Variants in KRT84 observed in about 807,000 individuals in gnomAD.
The protein encoded by KRT84 is keratin, type II cuticular Hb4.
A neutral mutation model predicts 49.0 loss-of-function variants in KRT84; 38 were observed. The ratio of observed to expected loss-of-function variants is 0.78; its 90% CI spans 0.60 to 1.02. The LOEUF is 1.02. KRT84 is among the 50% of genes least tolerant of loss of function. The pLI is 0.00. For synonymous variants in KRT84, 334 were observed against 312.8 expected (o/e 1.07, Z -0.72); for missense variants, 860 against 788.6 (o/e 1.09, Z -1.08).
intron 1 of KRT84, 150 bp downstream of exon 1, chr12:52,384,890 G>A (rs1565776957): frequency 3.6e-6 from 3 of 828,450 alleles, no homozygotes; most frequent in Non-Finnish European, 5.8e-6. Flanking sequence ...AACCCATAAA[G>A]CATACCACAA....
chr12:52,380,650 C>T, intron 6 of KRT84, 67 bp from the exon 7 acceptor site: 1 of 1,455,554 alleles, frequency 6.9e-7, no homozygotes, highest in South Asian at 1.3e-5. Context: ...GGGTTAGAAA[C>T]ACGGCCCCTC....
chr12:52,385,421 G>A lies in KRT84; in HGVS notation c.165C>T (p.Val55=). The change falls in exon 1 of 9, where the codon GTC becomes GTT. Residue 55 remains valine (V), a synonymous_variant. Coordinates refer to ENST00000257951, the MANE Select transcript of KRT84 (RefSeq NM_033045.4). ...GGGGTGAGTACGATCCAAAGGTGAT[G>A]ACACTCCGACTACCAAAGCTGCCAA... ...RGLGSFGSRS[V]ITFGSYSPRI... 3 of 1,614,154 alleles carry A rather than the reference G, an allele frequency of 1.9e-6. No homozygotes were observed. Among genetic ancestry groups the A allele is most frequent in the Non-Finnish European group, 2.5e-6 (3 of 1,180,020 alleles).
rs2121426831 is a variant in KRT84, at chr12:52,378,024, G to A, written c.*10C>T. On this transcript the variant is annotated 3_prime_UTR_variant, in exon 9 of 9. Coordinates refer to ENST00000257951, the MANE Select transcript of KRT84 (RefSeq NM_033045.4). ...TCTTCTCTGGGCAGCAGCTGTCTGG[G>A]GCTGGGCTCTCAGTACTTGGTCCGG... is the stretch of plus-strand genomic sequence containing the variant. 1.4e-5 allele frequency: 20 copies of A among 1,450,272 alleles called. No homozygotes were observed. The highest frequency in any genetic ancestry group is 1.8e-5 in the Non-Finnish European group (20 of 1,101,692). The allele number at this position is 1,450,272 out of a possible 1,614,324, so 89.8% of individuals were successfully genotyped here.
intron 4 of KRT84, 41 bp from the exon 5 acceptor site, chr12:52,381,566 C>T (rs1939486363): frequency 6.3e-7 from 1 of 1,597,954 alleles, no homozygotes; most frequent in Non-Finnish European, 8.5e-7. Flanking sequence ...CTTAGAGTCT[C>T]ATTTAGTAGC....
chr12:52,386,829 C>T (rs1238580394), upstream of KRT84, among the ~76,000 whole-genome samples: 2 of 152,142 alleles, frequency 1.3e-5, no homozygotes, highest in Non-Finnish European at 2.9e-5. Context: ...TTTACCTTTT[C>T]TATTCTAGTG....
intron 5 of KRT84, 66 bp downstream of exon 5, chr12:52,381,291 GGGCC>G (rs1939479528): frequency 6.2e-7 from 1 of 1,610,264 alleles, no homozygotes; most frequent in Admixed American, 1.7e-5. Context: ...AAACCTCCCT[GGGCC>G]TGATCTGTTA....
intron 8 of KRT84, 129 bp from the exon 9 acceptor site, chr12:52,378,509 G>T (rs1397109309): frequency 3.2e-6 from 2 of 626,438 alleles, no homozygotes; most frequent in East Asian, 3.2e-5. Context: ...TGGGGAAGTG[G>T]TCCCTATTGT....
rs1339525347 is a variant in KRT84 at position 52,377,962 on chromosome 12, G to A, written c.*72C>T. Reference sequence around the variant, plus strand: ...GGAGACCGTCAAGCCCAGAGCCCACGAACCCTGGGGGCAGAAGCAGGAGCC... The same window carrying A: ...GGAGACCGTCAAGCCCAGAGCCCACAAACCCTGGGGGCAGAAGCAGGAGCC... On this transcript the variant is annotated 3_prime_UTR_variant, in exon 9 of 9. Coordinates refer to ENST00000257951, the MANE Select transcript of KRT84 (RefSeq NM_033045.4). The A allele has an allele frequency of 7.3e-6, 9 of 1,239,672 alleles. No homozygotes were observed. The highest frequency in any genetic ancestry group is 7.4e-6 in the Non-Finnish European group (7 of 940,398). The allele number at this position is 1,239,672 out of a possible 1,614,324, so 76.8% of individuals were successfully genotyped here.
chr12:52,379,680 G>A (rs558490158), intron 8 of KRT84, among the ~76,000 whole-genome samples, 196 bp downstream of exon 8: 2 of 152,262 alleles, frequency 1.3e-5, no homozygotes, highest in South Asian at 4.2e-4. Context: ...TTTGCTCTGG[G>A]GAAGGCAGGC....
Position 52,378,376 on chromosome 12 carries a change from G to C in KRT84, c.1461C>G (p.Val487=). ...ACACCAGGCCGCCCCGGGAGCTGCT[G>C]ACGGCTGCGGAGAAAGAAAGCATCA... The part of the protein sequence containing the change: ...CEGVGPVNIS[V]SSSRGGLVCG... The change falls in exon 9 of 9, where the codon GTC becomes GTG. Residue 487 remains valine, a synonymous_variant. Coordinates refer to ENST00000257951, the MANE Select transcript of KRT84 (RefSeq NM_033045.4). 1.4e-6 allele frequency: 2 copies of C among 1,455,476 alleles called. No homozygotes were observed. The highest frequency in any genetic ancestry group is 1.8e-6 in the Non-Finnish European group (2 of 1,106,956). The allele number at this position is 1,455,476 out of a possible 1,614,324, so 90.2% of individuals were successfully genotyped here. A position where few individuals can be genotyped will look rare whatever the true frequency, so the allele number is the denominator to read the frequency against.
chr12:52,378,514 T>A, intron 8 of KRT84, 134 bp from the exon 9 acceptor site: 1 of 607,812 alleles, frequency 1.6e-6, no homozygotes, highest in Non-Finnish European at 2.7e-6. Flanking sequence ...AAGTGGTCCC[T>A]ATTGTCTATA....
At chr12:52,380,958 C>T in intron 6 of KRT84, 122 bp downstream of exon 6, 1 of 1,326,422 alleles carries the variant, frequency 7.5e-7, no homozygotes, top group South Asian at 1.4e-5. Flanking sequence ...CTGGACTGAT[C>T]CCTCCATTCC....
At chr12:52,380,666 G>A in intron 6 of KRT84, 83 bp from the exon 7 acceptor site, 1 of 1,378,414 alleles carries the variant, frequency 7.3e-7, no homozygotes, top group Admixed American at 2.1e-5. Context: ...CCCTCTTAGT[G>A]GGAACATAGC....
intron 3 of KRT84, 85 bp from the exon 4 acceptor site, chr12:52,382,617 G>A: frequency 1.8e-6 from 2 of 1,084,920 alleles, no homozygotes; most frequent in Non-Finnish European, 2.8e-6. Context: ...GTGCAAAGAG[G>A]CAGCCACTTC....
intron 3 of KRT84, 111 bp downstream of exon 3, chr12:52,382,894 G>A (rs1939508300): frequency 2.4e-6 from 2 of 839,880 alleles, no homozygotes; most frequent in Admixed American, 3.6e-5. Context: ...CCACTGTCTT[G>A]ATGTGAGTAG....
chr12:52,384,448 GGAAGCCAGTGAC>G (rs1360598742), intron 1 of KRT84, among the ~76,000 whole-genome samples: 1 of 152,150 alleles, frequency 6.6e-6, no homozygotes, highest in Non-Finnish European at 1.5e-5. Context: ...TCATCTGCCT[GGAAGCCAGTGAC>G]TACCAGTGGT....
intron 8 of KRT84, among the ~76,000 whole-genome samples, chr12:52,379,001 G>A (rs904193759): frequency 6.6e-6 from 1 of 152,156 alleles, no homozygotes; most frequent in Non-Finnish European, 1.5e-5. Context: ...ATCTTACCCA[G>A]AATCCTTCCT....
intron 1 of KRT84, among the ~76,000 whole-genome samples, chr12:52,384,774 C>T (rs189016396): frequency 3.7e-4 from 57 of 152,310 alleles, no homozygotes; most frequent in African/African-American, 1.3e-3. Context: ...GAGATGCCCT[C>T]GAGTTTGGCT....
In KRT84 at chr12:52,385,429, G is replaced by A. The variant is rs1325656209; in HGVS notation, c.157C>T (p.Arg53Trp). 9 of 1,614,034 alleles carry A rather than the reference G, an allele frequency of 5.6e-6. No homozygotes were observed. The highest frequency in any genetic ancestry group is 4.5e-5 in the East Asian group (2 of 44,892). Residue 53 changes from arginine (R) to tryptophan (W), a missense_variant, in exon 1 of 9, where the codon CGG becomes TGG. Arg to Trp is a moderately radical substitution (Grantham distance 101). Coordinates refer to ENST00000257951, the MANE Select transcript of KRT84 (RefSeq NM_033045.4). ...TACGATCCAAAGGTGATGACACTCC[G>A]ACTACCAAAGCTGCCAAGGCCCCGG... ...GFRGLGSFGS[R>W]SVITFGSYSP...
Sources: gnomAD v4.1 joint callset for allele counts (sites outside exome capture counted in the v4.1 genomes callset) on GRCh38, gnomAD v4.1.1 for gene constraint, MANE v1.5 for transcripts, NCBI Gene and HGNC (gene_info 2026-07-23, HGNC 2026-07-21) for gene names.